Variants in TBC1D32 observed in about 807,000 individuals in gnomAD.
TBC1D32 encodes TBC1 domain family member 32, also known as protein broad-minded.
Under a neutral mutation model 170.3 loss-of-function variants are expected in TBC1D32, and 151 were observed. That is an observed-to-expected ratio of 0.89 (90% CI 0.78 to 1.01). The LOEUF (loss-of-function observed/expected upper bound fraction) is 1.01, where lower values mean the gene tolerates loss of function less well. Among genes scored for constraint, TBC1D32 ranks in the 50% least tolerant of loss-of-function variants. The pLI, the probability that TBC1D32 is intolerant of heterozygous loss-of-function variation, is 0.00. For missense variants in TBC1D32, 1,464 were observed against 1,457.1 expected (o/e 1.00, Z -0.08); for synonymous variants, 498 against 488.0 (o/e 1.02, Z -0.27).
At chr6:121,169,592 C>G (rs1437194362) in intron 22 of TBC1D32, among the ~76,000 whole-genome samples, 1 of 152,120 alleles carries the variant, frequency 6.6e-6, no homozygotes, top group East Asian at 1.9e-4. Flanking sequence ...GTGACTTCAA[C>G]AATCATAGTT....
intron 30 of TBC1D32, among the ~76,000 whole-genome samples, chr6:121,095,062 T>C (rs1376414596): frequency 3.3e-5 from 5 of 152,150 alleles, no homozygotes; most frequent in South Asian, 2.1e-4. Flanking sequence ...CTATTATCAA[T>C]AGTAATGAAA....
At chr6:121,225,950 A>G (rs1381992323) in intron 20 of TBC1D32, among the ~76,000 whole-genome samples, 1 of 152,276 alleles carries the variant, frequency 6.6e-6, no homozygotes, top group South Asian at 2.1e-4. Context: ...ACATAAATCT[A>G]TGTCATCAAT....
Position 121,115,226 on chromosome 6 carries a change from A to C in TBC1D32, c.2999T>G (p.Val1000Gly). The C allele has an allele frequency of 6.3e-7, 1 of 1,599,838 alleles. No homozygotes were observed. The highest frequency in any genetic ancestry group is 8.5e-7 in the Non-Finnish European group (1 of 1,171,496). The change falls in exon 27 of 32, where the codon GTG becomes GGG. Residue 1000 changes from valine to glycine, a missense_variant. Physicochemically the swap from Val to Gly is moderately radical, Grantham distance 109. Coordinates refer to ENST00000398212, the MANE Select transcript of TBC1D32 (RefSeq NM_152730.6). Reference protein sequence around the residue: ...SVEYTATDANVKNESLSSVQQ... With the variant: ...SVEYTATDANGKNESLSSVQQ... ...CACAGATGAAAGACTTTCATTCTTC[A>C]CATTTGCATCAGTAGCTAAAGACAA...
intron 17 of TBC1D32, among the ~76,000 whole-genome samples, chr6:121,253,823 A>C (rs1369257025): frequency 6.6e-6 from 1 of 152,224 alleles, no homozygotes; most frequent in Admixed American, 6.5e-5. Context: ...TGAAAACAGT[A>C]TGGAGATTCC....
At chr6:121,127,687 G>A (rs1262137284) in intron 25 of TBC1D32, among the ~76,000 whole-genome samples, 2 of 151,906 alleles carry the variant, frequency 1.3e-5, no homozygotes, top group African/African-American at 2.4e-5. Flanking sequence ...ATACTGTCTC[G>A]AGATTATAAA....
intron 25 of TBC1D32, among the ~76,000 whole-genome samples, chr6:121,128,412 T>A (rs1053003503): frequency 2.0e-5 from 3 of 152,214 alleles, no homozygotes; most frequent in African/African-American, 7.2e-5. Context: ...TATCTCAGTA[T>A]GACCAACAGC....
chr6:121,188,079 G>A (rs1049501306), intron 22 of TBC1D32, among the ~76,000 whole-genome samples: 1 of 152,012 alleles, frequency 6.6e-6, no homozygotes, highest in African/African-American at 2.4e-5. Flanking sequence ...TAATTGAATG[G>A]CTTAACTTCT....
chr6:121,262,198 C>G (rs1379293993), intron 15 of TBC1D32, among the ~76,000 whole-genome samples: 3 of 152,092 alleles, frequency 2.0e-5, no homozygotes, highest in Non-Finnish European at 4.4e-5. Context: ...AGTTAGAAAA[C>G]ACACTTCAGG....
chr6:121,331,484 T>G (rs1013210309), intron 1 of TBC1D32, among the ~76,000 whole-genome samples: 6 of 152,034 alleles, frequency 3.9e-5, no homozygotes, highest in African/African-American at 1.4e-4. Context: ...CCTCTCAAAG[T>G]GCTGGGATTA....
At chr6:121,315,832 T>C (rs1176744880) in intron 3 of TBC1D32, among the ~76,000 whole-genome samples, 1 of 152,084 alleles carries the variant, frequency 6.6e-6, no homozygotes, top group East Asian at 1.9e-4. Context: ...ACACAATATC[T>C]CCTAGAACTT....
At chr6:121,241,699 T>C (rs1409424947) in intron 18 of TBC1D32, 147 bp from the exon 19 acceptor site, 4 of 715,146 alleles carry the variant, frequency 5.6e-6, no homozygotes, top group Admixed American at 2.9e-5. Flanking sequence ...CCCAAAAGTC[T>C]AGGGATATTT....
At chr6:121,192,049 A>ACT (rs202131538) in intron 22 of TBC1D32, among the ~76,000 whole-genome samples, 19,599 of 69,648 alleles carry the variant, frequency 0.28, 1,868 homozygotes, top group Non-Finnish European at 0.44. Context: ...GTAAGTTAAT[A>ACT]CTTAATAAAC....
intron 15 of TBC1D32, among the ~76,000 whole-genome samples, chr6:121,258,453 T>C (rs1370146723): frequency 1.3e-5 from 2 of 152,106 alleles, no homozygotes; most frequent in Non-Finnish European, 2.9e-5. Flanking sequence ...CTGTTTTTTG[T>C]TTTTTGTTTT....
chr6:121,290,057 C>T (rs1424086889), intron 12 of TBC1D32, among the ~76,000 whole-genome samples: 1 of 152,094 alleles, frequency 6.6e-6, no homozygotes. Context: ...TAGAAGAAAA[C>T]CTAGGCAATA....
chr6:121,260,966 C>T (rs777724351), intron 15 of TBC1D32, among the ~76,000 whole-genome samples: 8 of 152,164 alleles, frequency 5.3e-5, no homozygotes, highest in African/African-American at 1.4e-4. Flanking sequence ...GGAGGCTGAA[C>T]GGCTTGGTCC....
chr6:121,196,611 C>T (rs752790713), intron 22 of TBC1D32, among the ~76,000 whole-genome samples: 1 of 152,302 alleles, frequency 6.6e-6, no homozygotes, highest in African/African-American at 2.4e-5. Context: ...AAGGCACTCA[C>T]TTTACGGCTA....
At chr6:121,281,469 A>G in intron 14 of TBC1D32, 75 bp downstream of exon 14, 1 of 1,167,278 alleles carries the variant, frequency 8.6e-7, no homozygotes, top group Non-Finnish European at 1.2e-6. Flanking sequence ...TTTCAAATTT[A>G]GAAATAAAGT....
intron 30 of TBC1D32, among the ~76,000 whole-genome samples, chr6:121,101,212 AG>A (rs1413053462): frequency 2.0e-5 from 3 of 152,296 alleles, no homozygotes; most frequent in Non-Finnish European, 4.4e-5. Flanking sequence ...ATAGAAAAAG[AG>A]GGAATCCTCC....
intron 4 of TBC1D32, among the ~76,000 whole-genome samples, chr6:121,308,860 T>C (rs1156409378): frequency 6.6e-6 from 1 of 152,086 alleles, no homozygotes; most frequent in African/African-American, 2.4e-5. Flanking sequence ...TAGTAGAGAA[T>C]AGTTCCACTC....
Sources: allele counts gnomAD v4.1 joint callset (sites outside exome capture counted in the v4.1 genomes callset), GRCh38; gene constraint gnomAD v4.1.1; transcripts MANE v1.5; gene names NCBI Gene and HGNC (gene_info 2026-07-23, HGNC 2026-07-21).